The following KMT2C variants were observed in gnomAD, a reference collection of about 807,000 sequenced individuals.
KMT2C encodes the protein histone-lysine N-methyltransferase 2C.
KMT2C carries 88 observed loss-of-function variants against 507.9 expected under a neutral mutation model. That is an observed-to-expected ratio of 0.17 (90% CI 0.15 to 0.21). The LOEUF (loss-of-function observed/expected upper bound fraction) is 0.21, where lower values mean the gene tolerates loss of function less well. Ranked by LOEUF, KMT2C falls within the 10% of genes least tolerant of loss-of-function variation. KMT2C has a pLI of 1.00. For synonymous variants in KMT2C, 2,049 were observed against 2,080.8 expected (o/e 0.98, Z 0.42); for missense variants, 4,954 against 5,957.8 (o/e 0.83, Z 5.55).
At chr7:152,322,197 T>A (rs1240659175) in intron 3 of KMT2C, among the ~76,000 whole-genome samples, 2 of 151,798 alleles carry the variant, frequency 1.3e-5, no homozygotes, top group Non-Finnish European at 2.9e-5. Flanking sequence ...ACCCCGTCTC[T>A]ACTAAAAATA....
intron 16 of KMT2C, among the ~76,000 whole-genome samples, chr7:152,233,817 G>A (rs1215903098): frequency 6.6e-6 from 1 of 152,154 alleles, no homozygotes; most frequent in African/African-American, 2.4e-5. Flanking sequence ...AACCTAAATA[G>A]GTACCTATTA....
At chr7:152,427,561 G>C (rs2097830839) in intron 1 of KMT2C, among the ~76,000 whole-genome samples, 1 of 152,036 alleles carries the variant, frequency 6.6e-6, no homozygotes, top group Non-Finnish European at 1.5e-5. Context: ...ATATTTTGTT[G>C]TTGCCAACTT....
intron 26 of KMT2C, among the ~76,000 whole-genome samples, chr7:152,202,540 T>C (rs983503743): frequency 1.3e-5 from 2 of 152,234 alleles, no homozygotes; most frequent in Non-Finnish European, 2.9e-5. Flanking sequence ...TAACTTTGGC[T>C]GAAAAGCCTA....
At chr7:152,274,550 T>C (rs1308573406) in intron 6 of KMT2C, among the ~76,000 whole-genome samples, 1 of 152,212 alleles carries the variant, frequency 6.6e-6, no homozygotes, top group African/African-American at 2.4e-5. Context: ...CTAGGGCAAG[T>C]GAACACATAA....
intron 1 of KMT2C, among the ~76,000 whole-genome samples, chr7:152,370,246 T>G (rs910838656): frequency 6.6e-6 from 1 of 151,120 alleles, no homozygotes; most frequent in Non-Finnish European, 1.5e-5. Context: ...TCCACACACA[T>G]AAGTTTGATA....
chr7:152,306,692 A>T (rs769353388), intron 6 of KMT2C, among the ~76,000 whole-genome samples: 1 of 152,210 alleles, frequency 6.6e-6, no homozygotes, highest in Admixed American at 6.5e-5. Context: ...CCTCCAAAAG[A>T]TGTGTACCAA....
rs755514371 is a variant in KMT2C at position 152,187,854 on chromosome 7, A to T, written c.4661-7T>A. 1 of 1,612,932 alleles carries T rather than the reference A, an allele frequency of 6.2e-7. No homozygotes were observed. Among genetic ancestry groups the T allele is most frequent in the Non-Finnish European group, 8.5e-7 (1 of 1,179,612 alleles). On this transcript the variant is annotated splice_polypyrimidine_tract_variant and splice_region_variant and intron_variant, in intron 31 of 58. Coordinates refer to ENST00000262189, the MANE Select transcript of KMT2C (RefSeq NM_170606.3). ...GGCATCCGTGAAAAAGCATCTTCAG[A>T]GAAAAAAATAATTCCGTTGGCATGA...
At chr7:152,212,357 A>C (rs1172295842) in intron 23 of KMT2C, among the ~76,000 whole-genome samples, 1 of 152,248 alleles carries the variant, frequency 6.6e-6, no homozygotes, top group Non-Finnish European at 1.5e-5. Context: ...CTTTTCTTCA[A>C]TATCTGCTAC....
At chr7:152,212,274 C>A (rs1461804994) in intron 23 of KMT2C, among the ~76,000 whole-genome samples, 1 of 152,154 alleles carries the variant, frequency 6.6e-6, no homozygotes, top group Non-Finnish European at 1.5e-5. Context: ...CTTTTTAAGA[C>A]CTCTGTATTT....
At chr7:152,289,535 A>G (rs1046128853) in intron 6 of KMT2C, among the ~76,000 whole-genome samples, 1 of 152,242 alleles carries the variant, frequency 6.6e-6, no homozygotes, top group African/African-American at 2.4e-5. Context: ...CCGGTTTTAC[A>G]TGTAAGAACA....
intron 23 of KMT2C, among the ~76,000 whole-genome samples, chr7:152,218,598 T>C (rs1485705275): frequency 6.6e-6 from 1 of 152,216 alleles, no homozygotes. Flanking sequence ...CCTCTTAAAA[T>C]ATAAATAAGA....
intron 6 of KMT2C, among the ~76,000 whole-genome samples, chr7:152,282,450 G>A (rs546290726): frequency 5.3e-5 from 8 of 150,822 alleles, no homozygotes; most frequent in African/African-American, 1.2e-4. Context: ...AATGCCCAAC[G>A]GTAAAATAAA....
At chr7:152,395,917 T>C (rs1181032687) in intron 1 of KMT2C, among the ~76,000 whole-genome samples, 2 of 152,216 alleles carry the variant, frequency 1.3e-5, no homozygotes, top group Non-Finnish European at 2.9e-5. Context: ...AAAATATTAG[T>C]TGATGCTGAT....
At position 152,177,516 on chromosome 7, in the gene KMT2C, A is replaced by G. The variant is rs2129114937; in HGVS notation, c.7937T>C (p.Met2646Thr). ...ACCTAGTGGATGGTTCAGAGTCCTCATGACCATAGAAGATGAATGGACAGA... is the reference window on the plus strand; with the variant it reads ...ACCTAGTGGATGGTTCAGAGTCCTCGTGACCATAGAAGATGAATGGACAGA... ...GHSVHSSSMV[M>T]RTLNHPLGGE... is the part of the protein sequence containing the mutation. The change falls in exon 38 of 59, where the codon ATG (methionine) becomes ACG (threonine). Residue 2646 changes from methionine (M) to threonine (T), a missense_variant. Transcript: ENST00000262189. 6.2e-7 allele frequency: 1 copy of G among 1,614,124 alleles called. No individual in the cohort carries two copies. Among genetic ancestry groups the G allele is most frequent in the South Asian group, 1.1e-5 (1 of 91,084 alleles).
At chr7:152,424,606 T>C (rs1173634855) in intron 1 of KMT2C, among the ~76,000 whole-genome samples, 1 of 152,136 alleles carries the variant, frequency 6.6e-6, no homozygotes, top group Non-Finnish European at 1.5e-5. Flanking sequence ...TATTTTTTTG[T>C]AGAGACAGTG....
intron 1 of KMT2C, among the ~76,000 whole-genome samples, chr7:152,378,485 T>C (rs577550432): frequency 6.6e-6 from 1 of 152,244 alleles, no homozygotes; most frequent in East Asian, 1.9e-4. Flanking sequence ...CATTGGTTTT[T>C]TAAATATAAC....
At chr7:152,376,142 C>A (rs919824762) in intron 1 of KMT2C, among the ~76,000 whole-genome samples, 3 of 152,272 alleles carry the variant, frequency 2.0e-5, no homozygotes, top group South Asian at 2.1e-4. Context: ...ACACCATGAA[C>A]CACGCCCACA....
At chr7:152,362,337 T>C (rs1289052294) in intron 1 of KMT2C, among the ~76,000 whole-genome samples, 2 of 151,902 alleles carry the variant, frequency 1.3e-5, no homozygotes, top group African/African-American at 2.4e-5. Flanking sequence ...GGATATACGG[T>C]GGCTGGGGCA....
intron 1 of KMT2C, among the ~76,000 whole-genome samples, chr7:152,385,411 G>A (rs2116501376): frequency 7.4e-6 from 1 of 135,678 alleles, no homozygotes; most frequent in Admixed American, 7.0e-5. Flanking sequence ...AGGAGATCGA[G>A]ACCATCCCGG....
Sources: gnomAD v4.1 joint callset for allele counts (sites outside exome capture counted in the v4.1 genomes callset) on GRCh38, gnomAD v4.1.1 for gene constraint, MANE v1.5 for transcripts, NCBI Gene and HGNC (gene_info 2026-07-23, HGNC 2026-07-21) for gene names.